The following KCNQ1OT1 variants were observed in gnomAD, a reference collection of about 807,000 sequenced individuals.
KCNQ1OT1 encodes KCNQ1 opposite strand/antisense transcript 1, also known as KCNQ1 antisense RNA 2 (non-protein coding).
Position 2,652,805 on chromosome 11 carries a change from C to T in KCNQ1OT1, n.47190G>A, listed in dbSNP as rs1849777751. On this transcript the variant is annotated non_coding_transcript_exon_variant, in exon 1 of 1. Coordinates refer to ENST00000597346, the Ensembl canonical transcript of KCNQ1OT1. The surrounding 1 kb of genome is among the most constrained non-coding windows in gnomAD (Gnocchi z 5.9). ...CGCTACTCAGACCCCACCCTTGGGC[C>T]TGCAGAGACATTTCCGTTCACTCTG... The T allele has an allele frequency of 2.5e-6, 1 of 399,078 alleles. No individual in the cohort carries two copies. The highest frequency in any genetic ancestry group is 4.4e-6 in the Non-Finnish European group (1 of 226,428). 24.7% of individuals were successfully genotyped at this position (399,078 alleles called of 1,614,324 possible). A position where few individuals can be genotyped will look rare whatever the true frequency, so the allele number is the denominator to read the frequency against.
In KCNQ1OT1 at chr11:2,678,286, A is replaced by T. The variant is rs771142678; in HGVS notation, n.21709T>A. ...TCTCATCCTGAAATTGTTTTAATAAATTCTTCCATGTTTTCTTCTATCATT... is the reference window on the plus strand; with the variant it reads ...TCTCATCCTGAAATTGTTTTAATAATTTCTTCCATGTTTTCTTCTATCATT... On this transcript the variant is annotated non_coding_transcript_exon_variant, in exon 1 of 1. Coordinates refer to ENST00000597346, the Ensembl canonical transcript of KCNQ1OT1. The surrounding 1 kb of genome is among the most constrained non-coding windows in gnomAD (Gnocchi z 4.9). 3.8e-5 allele frequency: 15 copies of T among 398,248 alleles called. No homozygotes were observed. The highest frequency in any genetic ancestry group is 6.6e-5 in the Non-Finnish European group (15 of 225,988). 24.7% of individuals were successfully genotyped at this position (398,248 alleles called of 1,614,324 possible). A position where few individuals can be genotyped will look rare whatever the true frequency, so the allele number is the denominator to read the frequency against.
rs1044074736 is a variant in KCNQ1OT1, at chr11:2,691,360, T to G, written n.8635A>C. 19 of 398,490 alleles carry G rather than the reference T, an allele frequency of 4.8e-5. No homozygotes were observed. Among genetic ancestry groups the G allele is most frequent in the Non-Finnish European group, 6.6e-5 (15 of 226,072 alleles). 24.7% of individuals were successfully genotyped at this position (398,490 alleles called of 1,614,324 possible). On this transcript the variant is annotated non_coding_transcript_exon_variant, in exon 1 of 1. Coordinates refer to ENST00000597346, the Ensembl canonical transcript of KCNQ1OT1. This position sits in a 1 kb window ranked among gnomAD's most constrained non-coding sequence, Gnocchi z 6.4. Reference sequence around the variant, plus strand: ...CTTACAGTGACCACCCATCCTGACATCTTGGGCTCAGGCCTCTGGGTCTGG... The same window carrying G: ...CTTACAGTGACCACCCATCCTGACAGCTTGGGCTCAGGCCTCTGGGTCTGG...
At chr11:2,692,258 G>A (rs1850600598) in exon 1 of KCNQ1OT1, 1 of 398,828 alleles carries the variant, frequency 2.5e-6, no homozygotes, top group Non-Finnish European at 4.4e-6. Context: ...ACCAAGCCAG[G>A]CTTACTTCAC....
At position 2,676,082 on chromosome 11, in the gene KCNQ1OT1, C is replaced by A. The variant is rs944025850; in HGVS notation, n.23913G>T. 7.5e-6 allele frequency: 3 copies of A among 398,494 alleles called. No individual in the cohort carries two copies. The highest frequency in any genetic ancestry group is 1.3e-5 in the Non-Finnish European group (3 of 226,066). The allele number at this position is 398,494 out of a possible 1,614,324, so 24.7% of individuals were successfully genotyped here. A position where few individuals can be genotyped will look rare whatever the true frequency, so the allele number is the denominator to read the frequency against. ...GACGTATTTTATATAAACAAATATA[C>A]GTGTGTCTGTGTGTGCATGTACTTA... On this transcript the variant is annotated non_coding_transcript_exon_variant, in exon 1 of 1. Coordinates refer to ENST00000597346, the Ensembl canonical transcript of KCNQ1OT1. The surrounding 1 kb of genome is among the most constrained non-coding windows in gnomAD (Gnocchi z 4.2).
In KCNQ1OT1 at chr11:2,687,176, C is replaced by T; in HGVS notation, n.12819G>A. ...TCCTCCACAAAGCACAGAAGTCTGC[C>T]AAAAGCCCAGGCTGGATAGGGAGCA... On this transcript the variant is annotated non_coding_transcript_exon_variant, in exon 1 of 1. Transcript: ENST00000597346. This position sits in a 1 kb window ranked among gnomAD's most constrained non-coding sequence, Gnocchi z 5.0. The T allele has an allele frequency of 2.5e-6, 1 of 398,646 alleles. No homozygotes were observed. The allele number at this position is 398,646 out of a possible 1,614,324, so 24.7% of individuals were successfully genotyped here. A position where few individuals can be genotyped will look rare whatever the true frequency, so the allele number is the denominator to read the frequency against.
At chr11:2,665,664 C>T in exon 1 of KCNQ1OT1, 1 of 398,150 alleles carries the variant, frequency 2.5e-6, no homozygotes, top group Non-Finnish European at 4.4e-6. Context: ...TACCAGTTCC[C>T]TAAGCCTTTC....
chr11:2,618,141 T>C (rs1849099880), exon 1 of KCNQ1OT1: 5 of 398,430 alleles, frequency 1.3e-5, no homozygotes, highest in Non-Finnish European at 2.2e-5. Flanking sequence ...TTTCTTCTGG[T>C]TGTGGGTTTT....
exon 1 of KCNQ1OT1, chr11:2,633,331 C>G (rs1849395255): frequency 2.5e-6 from 1 of 398,394 alleles, no homozygotes; most frequent in African/African-American, 2.1e-5. Context: ...CAGGATATCT[C>G]TTAATAGTTT....
exon 1 of KCNQ1OT1, chr11:2,692,249 C>T (rs1850600404): frequency 7.5e-6 from 3 of 398,946 alleles, no homozygotes; most frequent in Non-Finnish European, 8.8e-6. Context: ...AAGCCCATCA[C>T]CAAGCCAGGC....
chr11:2,699,760 C>T (rs1447894857), exon 1 of KCNQ1OT1: 2 of 359,604 alleles, frequency 5.6e-6, no homozygotes, highest in East Asian at 4.7e-5. Context: ...AGAAGAGCGC[C>T]GCGCTGAGGA....
At chr11:2,636,969 G>A (rs1030240816) in exon 1 of KCNQ1OT1, 2 of 152,160 alleles carry the variant, frequency 1.3e-5, no homozygotes, top group Admixed American at 6.5e-5. Context: ...TAGTTTATTT[G>A]CATAGAGGTG....
exon 1 of KCNQ1OT1, chr11:2,615,170 TTTAAAAA>T: frequency 2.5e-6 from 1 of 398,240 alleles, no homozygotes. Flanking sequence ...TAAGTGGAAT[TTTAAAAA>T]TTGACTTCCT....
chr11:2,695,665 G>A lies in KCNQ1OT1; in HGVS notation n.4330C>T, dbSNP rs964628967. 2.5e-6 allele frequency: 1 copy of A among 398,586 alleles called. No homozygotes were observed. 24.7% of individuals were successfully genotyped at this position (398,586 alleles called of 1,614,324 possible). A position where few individuals can be genotyped will look rare whatever the true frequency, so the allele number is the denominator to read the frequency against. ...CACAGGTATAAAATATTTTATTTGAGGAAGAAGTGTTGGCCAGCTCTTCAG... is the reference window on the plus strand; with the variant it reads ...CACAGGTATAAAATATTTTATTTGAAGAAGAAGTGTTGGCCAGCTCTTCAG... On this transcript the variant is annotated non_coding_transcript_exon_variant, in exon 1 of 1. Transcript: ENST00000597346. This position sits in a 1 kb window ranked among gnomAD's most constrained non-coding sequence, Gnocchi z 5.2.
Position 2,668,855 on chromosome 11 carries a change from C to G in KCNQ1OT1, n.31140G>C, listed in dbSNP as rs1370009193. Reference sequence around the variant, plus strand: ...CTCTCTGGATAGGGCTGTTTGTGTCCTATTTAAGAAACTTTGACTACTCCA... The same window carrying G: ...CTCTCTGGATAGGGCTGTTTGTGTCGTATTTAAGAAACTTTGACTACTCCA... On this transcript the variant is annotated non_coding_transcript_exon_variant, in exon 1 of 1. Coordinates refer to ENST00000597346, the Ensembl canonical transcript of KCNQ1OT1. The surrounding 1 kb of genome is among the most constrained non-coding windows in gnomAD (Gnocchi z 4.3). The G allele has an allele frequency of 2.5e-6, 1 of 398,470 alleles. No individual in the cohort carries two copies. Among genetic ancestry groups the G allele is most frequent in the East Asian group, 3.6e-5 (1 of 28,088 alleles). 24.7% of individuals were successfully genotyped at this position (398,470 alleles called of 1,614,324 possible).
chr11:2,622,408 C>T (rs1157405520), exon 1 of KCNQ1OT1: 1 of 398,190 alleles, frequency 2.5e-6, no homozygotes, highest in African/African-American at 2.1e-5. Context: ...TATCATTTTT[C>T]ATTCTTTCAC....
rs1850153399 is a variant in KCNQ1OT1 at position 2,670,070 on chromosome 11, G to A, written n.29925C>T. 1 of 398,672 alleles carries A rather than the reference G, an allele frequency of 2.5e-6. No homozygotes were observed. Among genetic ancestry groups the A allele is most frequent in the Admixed American group, 4.4e-5 (1 of 22,730 alleles). 24.7% of individuals were successfully genotyped at this position (398,672 alleles called of 1,614,324 possible). ...ACTCACTATTCTGCTCTGGGGAGGG[G>A]GTTGGAGGCAGAATCAGTGGACTGT... On this transcript the variant is annotated non_coding_transcript_exon_variant, in exon 1 of 1. Coordinates refer to ENST00000597346, the Ensembl canonical transcript of KCNQ1OT1. This position sits in a 1 kb window ranked among gnomAD's most constrained non-coding sequence, Gnocchi z 4.9.
chr11:2,631,364 T>C (rs1849349791), exon 1 of KCNQ1OT1: 1 of 398,478 alleles, frequency 2.5e-6, no homozygotes, highest in Non-Finnish European at 4.4e-6. Flanking sequence ...TCAAGTCTGC[T>C]GCTGATGCTT....
exon 1 of KCNQ1OT1, chr11:2,667,110 C>T (rs547811942): frequency 1.8e-5 from 7 of 398,528 alleles, no homozygotes; most frequent in African/African-American, 2.1e-5. Context: ...AAAACCGAGG[C>T]GTAATGGCTC....
chr11:2,663,715 C>A lies in KCNQ1OT1; in HGVS notation n.36280G>T, dbSNP rs1850011284. The A allele has an allele frequency of 5.0e-6, 2 of 398,620 alleles. No individual in the cohort carries two copies. The highest frequency in any genetic ancestry group is 2.1e-5 in the African/African-American group (1 of 48,656). 24.7% of individuals were successfully genotyped at this position (398,620 alleles called of 1,614,324 possible). A position where few individuals can be genotyped will look rare whatever the true frequency, so the allele number is the denominator to read the frequency against. On this transcript the variant is annotated non_coding_transcript_exon_variant, in exon 1 of 1. Transcript: ENST00000597346. The surrounding 1 kb of genome is among the most constrained non-coding windows in gnomAD (Gnocchi z 5.2). ...AGGCCTTACCAACTCTTGGGTCTTG[C>A]AAGGCCCCTGCAGGTGAAGGTGGTG...
Sources: allele counts gnomAD v4.1 joint callset, GRCh38; gene constraint gnomAD v4.1.1; non-coding constraint Gnocchi (gnomAD v3.1); transcripts MANE v1.5; gene names NCBI Gene and HGNC (gene_info 2026-07-23, HGNC 2026-07-21).